The following C6orf118 variants were observed in gnomAD, a reference collection of about 807,000 sequenced individuals.
The protein encoded by C6orf118 is uncharacterized protein C6orf118.
A neutral mutation model predicts 50.2 loss-of-function variants in C6orf118; 50 were observed. The observed-to-expected ratio is 1.00, with a 90% CI of 0.79 to 1.26. The LOEUF (loss-of-function observed/expected upper bound fraction) is 1.26, where lower values mean the gene tolerates loss of function less well. C6orf118 is among the 50% of genes most tolerant of loss of function. C6orf118 has a pLI of 0.00. For synonymous variants in C6orf118, 239 were observed against 230.9 expected (o/e 1.03, Z -0.32); for missense variants, 641 against 578.7 (o/e 1.11, Z -1.10).
At chr6:165,287,278 G>A (rs1238051558) in intron 7 of C6orf118, among the ~76,000 whole-genome samples, 2 of 152,110 alleles carry the variant, frequency 1.3e-5, no homozygotes, top group Admixed American at 1.3e-4. Flanking sequence ...GGAAATCAGA[G>A]AGGACACAAA....
intron 6 of C6orf118, among the ~76,000 whole-genome samples, chr6:165,291,260 C>A (rs1465065057): frequency 6.6e-6 from 1 of 152,136 alleles, no homozygotes; most frequent in Non-Finnish European, 1.5e-5. Flanking sequence ...AGAAAATAGA[C>A]CTTAGTAATT....
At chr6:165,298,198 G>C in intron 4 of C6orf118, 97 bp from the exon 5 acceptor site, 1 of 1,418,956 alleles carries the variant, frequency 7.0e-7, no homozygotes, top group South Asian at 1.5e-5. Flanking sequence ...AAGGTGCCCT[G>C]GGTTAACATA....
At chr6:165,303,571 T>C (rs867646276) in intron 1 of C6orf118, among the ~76,000 whole-genome samples, 1 of 129,720 alleles carries the variant, frequency 7.7e-6, no homozygotes, top group African/African-American at 3.2e-5. Flanking sequence ...GATAGACCGC[T>C]AGCAAGACTA....
chr6:165,288,160 G>T (rs927367041), intron 7 of C6orf118, among the ~76,000 whole-genome samples: 4 of 152,140 alleles, frequency 2.6e-5, no homozygotes, highest in African/African-American at 9.7e-5. Flanking sequence ...CATACATGTG[G>T]CCAACAAGCA....
intron 5 of C6orf118, among the ~76,000 whole-genome samples, chr6:165,296,556 A>T (rs1218485237): frequency 1.3e-5 from 2 of 152,028 alleles, no homozygotes; most frequent in African/African-American, 4.8e-5. Context: ...GTGTGACCCC[A>T]CAGAACTCGT....
intron 8 of C6orf118, among the ~76,000 whole-genome samples, chr6:165,280,846 C>T (rs974592754): frequency 6.6e-6 from 1 of 152,102 alleles, no homozygotes; most frequent in Non-Finnish European, 1.5e-5. Flanking sequence ...AGGTGAGGAG[C>T]CCTAGTTCCT....
intron 1 of C6orf118, among the ~76,000 whole-genome samples, chr6:165,303,000 C>T (rs1780617097): frequency 6.6e-6 from 1 of 152,230 alleles, no homozygotes; most frequent in Non-Finnish European, 1.5e-5. Flanking sequence ...CGTTACTGAA[C>T]ACTTCAGATA....
chr6:165,281,560 G>T (rs2275216), intron 8 of C6orf118, 80 bp downstream of exon 8: 247,546 of 1,440,966 alleles, frequency 0.17, 22,714 homozygotes, highest in South Asian at 0.25. Flanking sequence ...CGATCAGTTG[G>T]TCATGCTTAT....
At position 165,302,870 on chromosome 6, in the gene C6orf118, C is replaced by G. The variant is rs186984085; in HGVS notation, c.26-574G>C. Among the ~76,000 whole-genome samples the G allele has an allele frequency of 4.6e-5, 7 of 152,310 alleles. No individual in the cohort carries two copies. In the East Asian group the frequency reaches 1.4e-3, roughly 29 times the overall value. ...CTCTGCAACATCAGAGTCATCATCT[C>G]AATCAAAATTGTTGATTGACACCCA... On this transcript the variant is annotated intron_variant, in intron 1 of 8. Transcript: ENST00000230301.
intron 5 of C6orf118, among the ~76,000 whole-genome samples, chr6:165,296,275 T>G (rs1052180137): frequency 0.07 from 8,208 of 116,758 alleles, 394 homozygotes; most frequent in Non-Finnish European, 0.099. Flanking sequence ...TTTTTTTTTT[T>G]TTGCCTTGGC....
At chr6:165,308,831 A>C (rs887118411) in intron 1 of C6orf118, among the ~76,000 whole-genome samples, 2 of 152,186 alleles carry the variant, frequency 1.3e-5, no homozygotes, top group South Asian at 2.1e-4. Flanking sequence ...TCACCTGTAC[A>C]TGAAGAGCAC....
At chr6:165,288,553 G>C (rs1779993659) in intron 7 of C6orf118, among the ~76,000 whole-genome samples, 1 of 152,114 alleles carries the variant, frequency 6.6e-6, no homozygotes, top group Non-Finnish European at 1.5e-5. Flanking sequence ...ATCAACGATA[G>C]GCTAGATTTT....
intron 4 of C6orf118, among the ~76,000 whole-genome samples, chr6:165,298,784 T>C (rs1456505229): frequency 6.6e-6 from 1 of 152,240 alleles, no homozygotes; most frequent in Non-Finnish European, 1.5e-5. Flanking sequence ...TTATTTTACA[T>C]GAAGAAGCAA....
At position 165,293,410 on chromosome 6, in the gene C6orf118, T is replaced by G. The variant is rs752828582; in HGVS notation, c.1120+3A>C. The G allele has an allele frequency of 3.1e-6, 5 of 1,613,962 alleles. No homozygotes were observed. Among genetic ancestry groups the G allele is most frequent in the South Asian group, 2.2e-5 (2 of 91,084 alleles). On this transcript the variant is annotated splice_donor_region_variant and intron_variant, in intron 6 of 8. Transcript: ENST00000230301. ...TAAGGAAGGACATCACACAGACACC[T>G]GCCTGATCGTTCCTTTGCAGACTGC...
Position 165,296,250 on chromosome 6 carries a change from G to GTTTTTTTTTTTTT in C6orf118, c.1061+1714_1061+1726dup, listed in dbSNP as rs56394079. On this transcript the variant is annotated intron_variant, in intron 5 of 8. Coordinates refer to ENST00000230301, the MANE Select transcript of C6orf118 (RefSeq NM_144980.4). The stretch of plus-strand genomic sequence containing the variant: ...GTTGTTGTTGTTGTTTTCGTTTTTT[G>GTTTTTTTTTTTTT]TTTTTTTTTTTTTTTTTTTTTTTTT... Among the ~76,000 whole-genome samples the GTTTTTTTTTTTTT allele has an allele frequency of 1.1e-3, 113 of 103,338 alleles. 5 individuals carry two copies. Among genetic ancestry groups the GTTTTTTTTTTTTT allele is most frequent in the Middle Eastern group, 6.1e-3 (1 of 164 alleles). 67.8% of individuals were successfully genotyped at this position (103,338 alleles called of 152,430 possible). A position where few individuals can be genotyped will look rare whatever the true frequency, so the allele number is the denominator to read the frequency against.
chr6:165,298,806 T>C (rs926859289), intron 4 of C6orf118, among the ~76,000 whole-genome samples: 14 of 152,334 alleles, frequency 9.2e-5, no homozygotes, highest in African/African-American at 3.1e-4. Context: ...CTAGAACTGA[T>C]CTCCTTGCAA....
intron 1 of C6orf118, among the ~76,000 whole-genome samples, chr6:165,308,400 G>C (rs1271595703): frequency 6.6e-6 from 1 of 152,160 alleles, no homozygotes; most frequent in Admixed American, 6.5e-5. Context: ...CTGGATCCCA[G>C]GTGGAAGCCA....
At chr6:165,286,342 T>A (rs1160480635) in intron 7 of C6orf118, among the ~76,000 whole-genome samples, 1 of 152,150 alleles carries the variant, frequency 6.6e-6, no homozygotes, top group Non-Finnish European at 1.5e-5. Flanking sequence ...AGCTGAATTC[T>A]ACTAGAGGTA....
At chr6:165,297,569 A>G (rs996375711) in intron 5 of C6orf118, among the ~76,000 whole-genome samples, 1 of 152,136 alleles carries the variant, frequency 6.6e-6, no homozygotes, top group African/African-American at 2.4e-5. Context: ...TTCAAATCAT[A>G]CAAAGAGTAT....
Sources: gnomAD v4.1 joint callset for allele counts (sites outside exome capture counted in the v4.1 genomes callset) on GRCh38, gnomAD v4.1.1 for gene constraint, MANE v1.5 for transcripts, NCBI Gene and HGNC (gene_info 2026-07-23, HGNC 2026-07-21) for gene names.